POLE2: variants seen among roughly 807,000 people sequenced by gnomAD.
The protein encoded by POLE2 is DNA polymerase epsilon 2, accessory subunit, also known as DNA polymerase epsilon subunit 2.
A neutral mutation model predicts 79.4 loss-of-function variants in POLE2; 56 were observed. The observed-to-expected ratio is 0.71, with a 90% CI of 0.57 to 0.88. The LOEUF (loss-of-function observed/expected upper bound fraction) is 0.88. Among genes scored for constraint, POLE2 ranks in the 40% least tolerant of loss-of-function variants. The pLI is 0.00. For missense variants in POLE2, 598 were observed against 638.9 expected, an observed-to-expected ratio of 0.94 and a Z score of 0.69; for synonymous variants, 212 against 214.0, an observed-to-expected ratio of 0.99 and a Z score of 0.08.
intron 17 of POLE2, among the ~76,000 whole-genome samples, chr14:49,649,137 C>CATT (rs1883997127): frequency 9.2e-6 from 1 of 108,784 alleles, no homozygotes; most frequent in African/African-American, 4.1e-5. Context: ...ATTTCTTTCC[C>CATT]TTTTTTTTTT....
At chr14:49,655,126 T>A (rs1685233165) in intron 11 of POLE2, 32 bp from the exon 12 acceptor site, 3 of 1,060,102 alleles carry the variant, frequency 2.8e-6, no homozygotes, top group African/African-American at 1.6e-5. Flanking sequence ...GAACAATACT[T>A]TTCTAGTCTA....
chr14:49,654,002 G>C lies in POLE2; in HGVS notation c.1199C>G (p.Thr400Ser), dbSNP rs1884467487. ...TACTAATTCTTACCTGCAAGGATTA[G>C]TAGTAAAAACTGAAAATGGTACCCT... ...RQRVPFSVFTTNPCRIQYCTQ... is the reference protein window; with the variant it reads ...RQRVPFSVFTSNPCRIQYCTQ... The change falls in exon 15 of 19, where the codon ACT (threonine) becomes AGT (serine). Residue 400 changes from threonine to serine, a missense_variant. By Grantham distance (58) the Thr-to-Ser change is moderately conservative. Coordinates refer to ENST00000216367, the MANE Select transcript of POLE2 (RefSeq NM_002692.4). 6.4e-7 allele frequency: 1 copy of C among 1,559,954 alleles called. No homozygotes were observed. Among genetic ancestry groups the C allele is most frequent in the Admixed American group, 1.7e-5 (1 of 59,588 alleles).
At chr14:49,658,930 G>A (rs749639708) in intron 10 of POLE2, among the ~76,000 whole-genome samples, 1 of 151,872 alleles carries the variant, frequency 6.6e-6, no homozygotes, top group Non-Finnish European at 1.5e-5. Flanking sequence ...CCTCAGGCAG[G>A]TCCTTCAGGA....
intron 6 of POLE2, 103 bp from the exon 7 acceptor site, chr14:49,666,516 T>C (rs568682261): frequency 2.3e-4 from 107 of 459,914 alleles, no homozygotes; most frequent in African/African-American, 2.1e-3. Flanking sequence ...TCAGCATTTA[T>C]AGCTACTTTA....
rs139420437 is a variant in POLE2, at chr14:49,671,692, T to A, written c.418-2094A>T. On this transcript the variant is annotated intron_variant, in intron 5 of 18. Transcript: ENST00000216367. Reference sequence around the variant, plus strand: ...AGATTCAGCTGGGCATGGTGGCTCATGCCTGTAATCCCAGCACTTTGGGAG... The same window carrying A: ...AGATTCAGCTGGGCATGGTGGCTCAAGCCTGTAATCCCAGCACTTTGGGAG... Among the ~76,000 whole-genome samples the A allele has an allele frequency of 8.9e-4, 134 of 149,754 alleles. 2 individuals are homozygous for A. The East Asian group carries it at 0.024, about 27-fold the overall frequency.
In POLE2 at chr14:49,650,849, G is replaced by T. The variant is rs148845075; in HGVS notation, c.1321-408C>A. Among the ~76,000 whole-genome samples, 666 of 152,258 alleles carry T rather than the reference G, an allele frequency of 4.4e-3. 6 individuals carry two copies. Among genetic ancestry groups the T allele is most frequent in the African/African-American group, 0.015 (632 of 41,536 alleles). On this transcript the variant is annotated intron_variant, in intron 16 of 18. Coordinates refer to ENST00000216367, the MANE Select transcript of POLE2 (RefSeq NM_002692.4). ...TCTCAAATGGGGGTGTATGTAACCT[G>T]TGATTGACAACTATTGTCAGGGAAC... is the stretch of plus-strand genomic sequence containing the variant.
chr14:49,661,158 C>T (rs1390885598), intron 10 of POLE2, among the ~76,000 whole-genome samples: 3 of 152,046 alleles, frequency 2.0e-5, no homozygotes, highest in African/African-American at 4.8e-5. Context: ...AAAGCTCAAG[C>T]GATCCACCCA....
intron 10 of POLE2, among the ~76,000 whole-genome samples, chr14:49,661,792 A>C (rs897667297): frequency 6.6e-6 from 1 of 152,248 alleles, no homozygotes; most frequent in African/African-American, 2.4e-5. Context: ...TAACAAGAAT[A>C]AAATGATCAT....
At chr14:49,654,980 T>G (rs533116840) in intron 12 of POLE2, 25 bp downstream of exon 12, 2 of 1,465,806 alleles carry the variant, frequency 1.4e-6, no homozygotes, top group East Asian at 2.5e-5. Flanking sequence ...ATAGAAACAC[T>G]TCTTATTAAA....
chr14:49,644,308 C>T (rs45605337), intron 18 of POLE2, among the ~76,000 whole-genome samples: 8,588 of 149,186 alleles, frequency 0.058, 329 homozygotes, highest in Non-Finnish European at 0.09. Flanking sequence ...GTCAGGAGTT[C>T]GAGACCAGCC....
chr14:49,682,223 T>C (rs2139691327), intron 2 of POLE2, among the ~76,000 whole-genome samples: 1 of 151,522 alleles, frequency 6.6e-6, no homozygotes, highest in African/African-American at 2.4e-5. Context: ...AGGCTGACCT[T>C]GAACTCCTGA....
intron 18 of POLE2, among the ~76,000 whole-genome samples, chr14:49,646,129 T>A (rs540023401): frequency 6.6e-6 from 1 of 152,266 alleles, no homozygotes; most frequent in South Asian, 2.1e-4. Flanking sequence ...GCCTCCTTTT[T>A]AATTTTATAT....
chr14:49,675,514 C>T (rs1331291654), intron 3 of POLE2, among the ~76,000 whole-genome samples: 1 of 152,066 alleles, frequency 6.6e-6, no homozygotes, highest in African/African-American at 2.4e-5. Context: ...TCACTGCAAC[C>T]TCTTCCTCCC....
Position 49,650,435 on chromosome 14 carries a change from T to G in POLE2, c.1327A>C (p.Lys443Gln). The G allele has an allele frequency of 6.8e-7, 1 of 1,472,422 alleles. No homozygotes were observed. The highest frequency in any genetic ancestry group is 9.1e-7 in the Non-Finnish European group (1 of 1,103,124). 91.2% of individuals were successfully genotyped at this position (1,472,422 alleles called of 1,614,324 possible). The change falls in exon 17 of 19, where the codon AAG becomes CAG. Residue 443 changes from lysine (K) to glutamine (Q), a missense_variant. Transcript: ENST00000216367. The part of the protein sequence containing the change: ...SNLAIPNHFV[K>Q]TILSQGHLTP... Reference sequence around the variant, plus strand: ...AGATGTCCTTGGGATAAGATAGTCTTTACAAACTACAAAAGAGCACAAAAC... The same window carrying G: ...AGATGTCCTTGGGATAAGATAGTCTGTACAAACTACAAAAGAGCACAAAAC...
chr14:49,677,181 C>T (rs148217954), intron 3 of POLE2, among the ~76,000 whole-genome samples: 1 of 152,360 alleles, frequency 6.6e-6, no homozygotes, highest in African/African-American at 2.4e-5. Flanking sequence ...AAGAAGCAAA[C>T]ATGCATCACC....
chr14:49,649,344 C>T (rs922813807), intron 17 of POLE2, among the ~76,000 whole-genome samples: 1 of 151,480 alleles, frequency 6.6e-6, no homozygotes, highest in Non-Finnish European at 1.5e-5. Flanking sequence ...GACGGGGTTG[C>T]ACCATGTTAG....
chr14:49,667,370 T>C (rs923525825), intron 6 of POLE2, among the ~76,000 whole-genome samples: 1 of 152,134 alleles, frequency 6.6e-6, no homozygotes. Context: ...GAGACATCTT[T>C]CCATTTTTCT....
chr14:49,679,378 G>A (rs1389191470), intron 3 of POLE2: 1 of 178,812 alleles, frequency 5.6e-6, no homozygotes, highest in Non-Finnish European at 1.2e-5. Flanking sequence ...TCTGGACATG[G>A]TACTTTCCTA....
intron 2 of POLE2, among the ~76,000 whole-genome samples, chr14:49,682,264 C>A (rs537089232): frequency 6.6e-6 from 1 of 151,724 alleles, no homozygotes; most frequent in Non-Finnish European, 1.5e-5. Flanking sequence ...CTCGGCCTCC[C>A]AAAGTGCTGG....
Sources: gnomAD v4.1 joint callset for allele counts (sites outside exome capture counted in the v4.1 genomes callset) on GRCh38, gnomAD v4.1.1 for gene constraint, MANE v1.5 for transcripts, NCBI Gene and HGNC (gene_info 2026-07-23, HGNC 2026-07-21) for gene names.